FMNL2: variants seen among roughly 807,000 people sequenced by gnomAD.
FMNL2 encodes the protein formin like 2.
Under a neutral mutation model 130.2 loss-of-function variants are expected in FMNL2, and 51 were observed. The observed-to-expected ratio is 0.39, with a 90% CI of 0.31 to 0.49. The LOEUF is 0.49. FMNL2 is among the 20% of genes least tolerant of loss of function. FMNL2 has a pLI of 0.85. For missense variants in FMNL2, 977 were observed against 1,316.2 expected (o/e 0.74, Z 3.99); for synonymous variants, 465 against 467.1 (o/e 1.00, Z 0.06).
intron 1 of FMNL2, among the ~76,000 whole-genome samples, chr2:152,415,055 C>G (rs1378286003): frequency 6.6e-6 from 1 of 152,084 alleles, no homozygotes; most frequent in South Asian, 2.1e-4. Context: ...TCCACAGATT[C>G]AGCTGTGCTG....
intron 25 of FMNL2, chr2:152,645,577 A>G (rs763062672): frequency 9.0e-5 from 104 of 1,153,966 alleles, no homozygotes; most frequent in East Asian, 2.3e-4. Context: ...ATGCAGATCA[A>G]TGGTTTTCAA....
intron 4 of FMNL2, among the ~76,000 whole-genome samples, chr2:152,551,152 A>T (rs975930333): frequency 1.3e-5 from 2 of 151,888 alleles, no homozygotes; most frequent in Admixed American, 6.6e-5. Context: ...CGAAAAAAAA[A>T]AAAAAAAGCA....
chr2:152,450,265 A>G (rs1173545438), intron 1 of FMNL2, among the ~76,000 whole-genome samples: 1 of 152,240 alleles, frequency 6.6e-6, no homozygotes, highest in African/African-American at 2.4e-5. Flanking sequence ...TTAATAAGAA[A>G]GAGGCAAGAC....
chr2:152,486,241 G>A (rs1023095465), intron 1 of FMNL2, among the ~76,000 whole-genome samples: 1 of 152,202 alleles, frequency 6.6e-6, no homozygotes, highest in African/African-American at 2.4e-5. Flanking sequence ...TAATTTACGG[G>A]AAGTTCCCGT....
chr2:152,647,754 T>C (rs1208683234), intron 25 of FMNL2, 42 bp from the exon 26 acceptor site: 1 of 1,590,782 alleles, frequency 6.3e-7, no homozygotes, highest in Admixed American at 1.7e-5. Flanking sequence ...ACACATGCTA[T>C]TAAAGGTTGC....
intron 1 of FMNL2, among the ~76,000 whole-genome samples, chr2:152,448,919 T>C (rs1475430808): frequency 2.6e-5 from 4 of 152,232 alleles, no homozygotes; most frequent in South Asian, 4.1e-4. Flanking sequence ...CAGAACTGTT[T>C]AGTGCTTTTA....
chr2:152,616,941 A>G (rs978796102), intron 12 of FMNL2, 150 bp from the exon 13 acceptor site: 10 of 643,104 alleles, frequency 1.6e-5, no homozygotes, highest in Non-Finnish European at 8.2e-6. Context: ...ATTCAGAACC[A>G]TATTATAAAC....
intron 1 of FMNL2, among the ~76,000 whole-genome samples, chr2:152,487,976 C>T (rs147268313): frequency 1.1e-3 from 172 of 151,988 alleles, no homozygotes; most frequent in Middle Eastern, 3.4e-3. Context: ...TAGTAGGAGA[C>T]GGGGTTTCAC....
intron 1 of FMNL2, among the ~76,000 whole-genome samples, chr2:152,403,260 A>G (rs1404723947): frequency 6.6e-6 from 1 of 151,886 alleles, no homozygotes; most frequent in Non-Finnish European, 1.5e-5. Context: ...AAAAACAACA[A>G]GCAAAAACCC....
rs148660455 is a variant in FMNL2, at chr2:152,604,543, C to T, written c.877-2796C>T. ...GTAGCTCTCCCCGAATTCAGGATGG[C>T]CTCTTTTCCTCTTCTGTTACTGCCA... On this transcript the variant is annotated intron_variant, in intron 9 of 25. Coordinates refer to ENST00000288670, the MANE Select transcript of FMNL2 (RefSeq NM_052905.4). Among the ~76,000 whole-genome samples the T allele has an allele frequency of 1.6e-3, 224 of 142,258 alleles. 29 individuals are homozygous for T. The East Asian group carries it at 0.054, about 34-fold the overall frequency. 93.3% of individuals were successfully genotyped at this position (142,258 alleles called of 152,430 possible). A position where few individuals can be genotyped will look rare whatever the true frequency, so the allele number is the denominator to read the frequency against.
intron 10 of FMNL2, among the ~76,000 whole-genome samples, chr2:152,611,261 C>T (rs925618139): frequency 3.3e-5 from 5 of 152,180 alleles, no homozygotes; most frequent in Admixed American, 2.0e-4. Flanking sequence ...ATCGCCTGAA[C>T]CCAGGAGGCG....
At chr2:152,491,196 A>G (rs981054350) in intron 1 of FMNL2, among the ~76,000 whole-genome samples, 3 of 152,158 alleles carry the variant, frequency 2.0e-5, no homozygotes, top group Admixed American at 1.3e-4. Context: ...TGGCAAAGAA[A>G]CTGTCCCAAT....
At chr2:152,355,686 A>G (rs1185804041) in intron 1 of FMNL2, among the ~76,000 whole-genome samples, 2 of 152,186 alleles carry the variant, frequency 1.3e-5, no homozygotes, top group Admixed American at 6.5e-5. Context: ...CTGTGCAAAC[A>G]GACCCTTGTC....
chr2:152,335,533 G>C lies in FMNL2; in HGVS notation c.-71G>C. The C allele has an allele frequency of 7.6e-7, 1 of 1,312,880 alleles. No individual in the cohort carries two copies. Among genetic ancestry groups the C allele is most frequent in the Non-Finnish European group, 1.0e-6 (1 of 956,184 alleles). 81.3% of individuals were successfully genotyped at this position (1,312,880 alleles called of 1,614,324 possible). On this transcript the variant is annotated 5_prime_UTR_variant, in exon 1 of 26. Coordinates refer to ENST00000288670, the MANE Select transcript of FMNL2 (RefSeq NM_052905.4). ...CGCCTGCGGGCGGCAGCCGACCGCC[G>C]GGAGCTGTTCTGATTTCCGACGCGC...
intron 3 of FMNL2, among the ~76,000 whole-genome samples, chr2:152,547,769 G>T (rs72868235): frequency 0.063 from 9,653 of 152,222 alleles, 645 homozygotes; most frequent in Admixed American, 0.21. Context: ...GAGGAGAGAG[G>T]TCCTTTATAT....
chr2:152,574,732 T>C (rs1696383092), intron 6 of FMNL2, among the ~76,000 whole-genome samples: 1 of 152,204 alleles, frequency 6.6e-6, no homozygotes, highest in Admixed American at 6.5e-5. Flanking sequence ...GAAAACTCTT[T>C]CTAGTAAACA....
At chr2:152,370,303 G>A (rs1276167397) in intron 1 of FMNL2, among the ~76,000 whole-genome samples, 1 of 152,114 alleles carries the variant, frequency 6.6e-6, no homozygotes, top group Non-Finnish European at 1.5e-5. Flanking sequence ...AGAGAACTAG[G>A]AAGCTCCCCG....
chr2:152,590,456 A>G (rs141519424), intron 9 of FMNL2, among the ~76,000 whole-genome samples: 23,842 of 151,998 alleles, frequency 0.16, 2,361 homozygotes, highest in African/African-American at 0.28. Flanking sequence ...TGTCTCTACT[A>G]AAAATACAAA....
chr2:152,471,408 T>C (rs1689851588), intron 1 of FMNL2, among the ~76,000 whole-genome samples: 1 of 152,216 alleles, frequency 6.6e-6, no homozygotes, highest in Non-Finnish European at 1.5e-5. Flanking sequence ...AAGTAAGATG[T>C]ATTTATTCTT....
Sources: gnomAD v4.1 joint callset for allele counts (sites outside exome capture counted in the v4.1 genomes callset) on GRCh38, gnomAD v4.1.1 for gene constraint, MANE v1.5 for transcripts, NCBI Gene and HGNC (gene_info 2026-07-23, HGNC 2026-07-21) for gene names.